The following ACLY variants were observed in gnomAD, a reference collection of about 807,000 sequenced individuals.
The protein encoded by ACLY is ATP-citrate synthase.
In ACLY, 41 loss-of-function variants were observed where a neutral mutation model predicts 133.0. The ratio of observed to expected loss-of-function variants is 0.31; its 90% CI spans 0.24 to 0.40. The LOEUF is 0.40. Ranked by LOEUF, ACLY falls within the 10% of genes least tolerant of loss-of-function variation. The pLI is 1.00. For synonymous variants in ACLY, 495 were observed against 549.3 expected, an observed-to-expected ratio of 0.90 and a Z score of 1.38; for missense variants, 1,046 against 1,453.8, an observed-to-expected ratio of 0.72 and a Z score of 4.56.
At chr17:41,878,226 G>A (rs1555626524) in intron 21 of ACLY, 30 bp from the exon 22 acceptor site, 1 of 1,495,208 alleles carries the variant, frequency 6.7e-7, no homozygotes, top group Non-Finnish European at 9.0e-7. Context: ...AGACATCCAT[G>A]TGGATTTTCT....
upstream of ACLY, among the ~76,000 whole-genome samples, chr17:41,922,517 A>G (rs1222799565): frequency 6.6e-6 from 1 of 151,922 alleles, no homozygotes; most frequent in East Asian, 1.9e-4. Context: ...GCGGGACATA[A>G]AATATAATAA....
intron 26 of ACLY, 136 bp from the exon 27 acceptor site, chr17:41,869,261 T>C: frequency 1.1e-6 from 1 of 885,562 alleles, no homozygotes; most frequent in Non-Finnish European, 1.8e-6. Flanking sequence ...GTCGACACTG[T>C]GTCTGACTCA....
upstream of ACLY, among the ~76,000 whole-genome samples, chr17:41,919,371 C>T (rs895821889): frequency 2.6e-5 from 4 of 152,258 alleles, no homozygotes; most frequent in Non-Finnish European, 4.4e-5. Flanking sequence ...AGTACCCTTG[C>T]TCCTTCCCTT....
intron 16 of ACLY, among the ~76,000 whole-genome samples, chr17:41,888,273 G>A (rs2058580239): frequency 6.6e-6 from 1 of 152,230 alleles, no homozygotes; most frequent in Non-Finnish European, 1.5e-5. Flanking sequence ...TAACACCACA[G>A]TGATCCACCC....
chr17:41,895,585 T>G (rs2049342808), intron 14 of ACLY, among the ~76,000 whole-genome samples: 1 of 152,182 alleles, frequency 6.6e-6, no homozygotes, highest in South Asian at 2.1e-4. Flanking sequence ...CTTTTATTTC[T>G]CTCACTCCAG....
At chr17:41,913,544 T>C (rs2049963323) in intron 2 of ACLY, among the ~76,000 whole-genome samples, 171 bp downstream of exon 2, 1 of 152,228 alleles carries the variant, frequency 6.6e-6, no homozygotes, top group Non-Finnish European at 1.5e-5. Context: ...TACCTCAACA[T>C]GCAGGGCTCA....
intron 8 of ACLY, 69 bp from the exon 9 acceptor site, chr17:41,905,727 G>A: frequency 1.9e-6 from 3 of 1,587,840 alleles, no homozygotes; most frequent in Non-Finnish European, 2.6e-6. Flanking sequence ...TGGTGCCTGG[G>A]AGGACACACG....
intron 11 of ACLY, 95 bp downstream of exon 11, chr17:41,901,601 A>C: frequency 9.4e-7 from 1 of 1,063,124 alleles, no homozygotes; most frequent in South Asian, 1.5e-5. Flanking sequence ...GTAGAGAGCA[A>C]AAGAGCCTAA....
chr17:41,918,586 A>G (rs2050119604), intron 1 of ACLY, among the ~76,000 whole-genome samples: 1 of 152,130 alleles, frequency 6.6e-6, no homozygotes, highest in Non-Finnish European at 1.5e-5. Flanking sequence ...CAGGAGGGGG[A>G]CCATGCAATG....
chr17:41,882,788 TCAG>T (rs2048954125), intron 20 of ACLY, among the ~76,000 whole-genome samples: 4 of 152,276 alleles, frequency 2.6e-5, no homozygotes, highest in Non-Finnish European at 5.9e-5. Context: ...CTCCCTTTCA[TCAG>T]CAAAGCCCTT....
intron 15 of ACLY, 27 bp downstream of exon 15, chr17:41,893,006 G>A: frequency 6.2e-7 from 1 of 1,605,940 alleles, no homozygotes; most frequent in Non-Finnish European, 8.5e-7. Context: ...AGAGGAAGGA[G>A]ATATTTCCCG....
Position 41,909,630 on chromosome 17 carries a change from C to G in ACLY, c.416G>C (p.Gly139Ala). Residue 139 changes from glycine to alanine, a missense_variant, in exon 5 of 29, where the codon GGT (glycine) becomes GCT (alanine). This residue lies in a region of ACLY where 227 missense variants were observed against 245.6 expected (regional missense o/e 0.92). Coordinates refer to ENST00000352035, the MANE Select transcript of ACLY (RefSeq NM_001096.3). ...GGCGTCCACATCACCCACGTCCACA[C>G]CCCCCTCGTGGTGGAACAGGACGTA... ...GDYVLFHHEG[G>A]VDVGDVDAKA... is the part of the protein sequence containing the mutation. 1 of 1,614,124 alleles carries G rather than the reference C, an allele frequency of 6.2e-7. No homozygotes were observed.
chr17:41,868,600 T>TAAAAAAAAA (rs372744524), intron 28 of ACLY, 109 bp downstream of exon 28: 3 of 517,748 alleles, frequency 5.8e-6, no homozygotes, highest in East Asian at 7.5e-5. Flanking sequence ...AAAAGAAAAT[T>TAAAAAAAAA]AAAAAAAAAA....
At chr17:41,910,368 T>G in intron 3 of ACLY, 84 bp from the exon 4 acceptor site, 1 of 1,241,538 alleles carries the variant, frequency 8.1e-7, no homozygotes, top group Non-Finnish European at 1.2e-6. Context: ...ACAGGGGTGG[T>G]GCCCAAGCAC....
intron 13 of ACLY, 69 bp from the exon 14 acceptor site, chr17:41,896,718 G>A (rs2049378030): frequency 1.3e-5 from 18 of 1,418,040 alleles, no homozygotes; most frequent in Non-Finnish European, 1.7e-5. Context: ...GGGAGAGGGT[G>A]GGAACAGGGA....
chr17:41,924,210 T>A (rs782323643), intron 1 of ACLY, among the ~76,000 whole-genome samples: 12 of 152,022 alleles, frequency 7.9e-5, no homozygotes, highest in Non-Finnish European at 1.3e-4. Context: ...AGTGGCGTGA[T>A]CTCGGCTCAC....
chr17:41,910,187 G>A (rs782035299), intron 4 of ACLY, 35 bp downstream of exon 4: 2 of 1,603,742 alleles, frequency 1.2e-6, no homozygotes, highest in East Asian at 2.2e-5. Context: ...GTTCCAGGAG[G>A]GAGAAGACCC....
chr17:41,930,492 G>A (rs1337557491), exon 1 of ACLY: 3 of 487,290 alleles, frequency 6.2e-6, no homozygotes, highest in Non-Finnish European at 1.1e-5. Context: ...ACACTAACCA[G>A]CCCAGCCGTC....
chr17:41,879,413 CTTT>C (rs1190398954), intron 20 of ACLY, among the ~76,000 whole-genome samples: 3 of 128,834 alleles, frequency 2.3e-5, no homozygotes, highest in Non-Finnish European at 3.3e-5. Flanking sequence ...CCCCCCCCGC[CTTT>C]TTTTTTTTTT....
Sources: gnomAD v4.1 joint callset for allele counts (sites outside exome capture counted in the v4.1 genomes callset) on GRCh38, gnomAD v4.1.1 for gene constraint, gnomAD v4.1.1 regional missense constraint, MANE v1.5 for transcripts, NCBI Gene and HGNC (gene_info 2026-07-23, HGNC 2026-07-21) for gene names.